The following PSG4 variants were observed in gnomAD, a reference collection of about 807,000 sequenced individuals.
The protein encoded by PSG4 is pregnancy-specific beta-1-glycoprotein 4.
PSG4 carries 61 observed loss-of-function variants against 44.3 expected under a neutral mutation model. The ratio of observed to expected loss-of-function variants is 1.38; its 90% CI spans 1.12 to 1.70. The LOEUF is 1.70. PSG4 is among the 40% of genes most tolerant of loss of function. The pLI is 0.00. For missense variants in PSG4, 677 were observed against 511.7 expected, an observed-to-expected ratio of 1.32 and a Z score of -3.12; for synonymous variants, 248 against 191.3, an observed-to-expected ratio of 1.30 and a Z score of -2.45.
rs369225813 is a variant in PSG4 at position 43,201,337 on chromosome 19, T to C, written c.430+2549A>G. ...GTGAAAGACCATGAGATTAAGATTA[T>C]AGGAGGGAACCGAATTCTGCTAAAA... On this transcript the variant is annotated intron_variant, in intron 2 of 5. Coordinates refer to ENST00000405312, the MANE Select transcript of PSG4 (RefSeq NM_002780.5). Among the ~76,000 whole-genome samples, 3 of 145,886 alleles carry C rather than the reference T, an allele frequency of 2.1e-5. 1 individual carries two copies. The East Asian group carries it at 7.0e-4, about 34-fold the overall frequency.
rs182789945 is a variant in PSG4, at chr19:43,200,773, C to T, written c.431-2498G>A. Among the ~76,000 whole-genome samples, 98 of 145,706 alleles carry T rather than the reference C, an allele frequency of 6.7e-4. 6 individuals are homozygous for T. The highest frequency in any genetic ancestry group is 3.5e-3 in the Middle Eastern group (1 of 288). On this transcript the variant is annotated intron_variant, in intron 2 of 5. Coordinates refer to ENST00000405312, the MANE Select transcript of PSG4 (RefSeq NM_002780.5). ...TGTATTTTTAGTAGAGACGGGGTTTCACCATGTTAGCCAGGATGGTCTCCA... is the reference window on the plus strand; with the variant it reads ...TGTATTTTTAGTAGAGACGGGGTTTTACCATGTTAGCCAGGATGGTCTCCA...
intron 2 of PSG4, 89 bp from the exon 3 acceptor site, chr19:43,198,364 T>C: frequency 1.3e-6 from 2 of 1,505,366 alleles, no homozygotes; most frequent in Non-Finnish European, 1.8e-6. Flanking sequence ...ATTTCCCACC[T>C]CTCAGCCCAC....
rs188774015 is a variant in PSG4, at chr19:43,195,663, C to T, written c.710-390G>A. Among the ~76,000 whole-genome samples the T allele has an allele frequency of 1.2e-3, 189 of 151,526 alleles. 8 individuals are homozygous for T. Among genetic ancestry groups the T allele is most frequent in the Middle Eastern group, 3.4e-3 (1 of 292 alleles). ...TCCAAATTCCATCCTCCTTTGCCCC[C>T]CTAGATGAGATTTCTCTGCAGCTTC... On this transcript the variant is annotated intron_variant, in intron 3 of 5. Coordinates refer to ENST00000405312, the MANE Select transcript of PSG4 (RefSeq NM_002780.5).
chr19:43,196,481 T>G (rs1049918616), intron 3 of PSG4: 3 of 151,604 alleles, frequency 2.0e-5, no homozygotes, highest in African/African-American at 7.3e-5. Context: ...TGACATTTTT[T>G]TATTCTGAAA....
intron 2 of PSG4, 29 bp from the exon 3 acceptor site, chr19:43,198,304 C>G: frequency 6.4e-7 from 1 of 1,567,342 alleles, no homozygotes; most frequent in East Asian, 2.7e-5. Context: ...GAGGTTTGCC[C>G]TGTGTGGCAT....
chr19:43,204,529 C>T lies in PSG4; in HGVS notation c.65-278G>A. On this transcript the variant is annotated intron_variant, in intron 1 of 5. Transcript: ENST00000405312. ...CCAGGGGTCCGCACGGCCCCCTCCA[C>T]ACTGCCCTCAGGTCCTGCTCACATC... 7.2e-6 allele frequency: 3 copies of T among 417,798 alleles called. 1 individual carries two copies. The highest frequency in any genetic ancestry group is 1.2e-5 in the Non-Finnish European group (3 of 246,558). The allele number at this position is 417,798 out of a possible 1,614,324, so 25.9% of individuals were successfully genotyped here.
chr19:43,204,952 T>G (rs746361903), intron 1 of PSG4: 3 of 281,942 alleles, frequency 1.1e-5, no homozygotes, highest in South Asian at 3.4e-5. Context: ...TGGCCCCTGA[T>G]GATTAATCAG....
Position 43,193,408 on chromosome 19 carries a change from A to G in PSG4, c.1244-20T>C. 1.3e-6 allele frequency: 1 copy of G among 768,590 alleles called. No individual in the cohort carries two copies. The highest frequency in any genetic ancestry group is 2.4e-6 in the Non-Finnish European group (1 of 417,590). 47.6% of individuals were successfully genotyped at this position (768,590 alleles called of 1,614,324 possible). A position where few individuals can be genotyped will look rare whatever the true frequency, so the allele number is the denominator to read the frequency against. On this transcript the variant is annotated intron_variant, in intron 5 of 5. Transcript: ENST00000405312. ...TCCAGTCTACAGGTGGATAATAAAA[A>G]CACAGAAACAATGAACAGAGCTGCA...
At chr19:43,205,104 C>CTTTTTTTTTTTTTTTTTTTT (rs1568391883) in intron 1 of PSG4, among the ~76,000 whole-genome samples, 1 of 54,062 alleles carries the variant, frequency 1.8e-5, no homozygotes, top group Non-Finnish European at 3.4e-5. Flanking sequence ...TCTTTTTTTC[C>CTTTTTTTTTTTTTTTTTTTT]TTTTTTCTTT....
chr19:43,194,600 G>A lies in PSG4; in HGVS notation c.989-6C>T, dbSNP rs565976817. On this transcript the variant is annotated splice_region_variant and splice_polypyrimidine_tract_variant and intron_variant, in intron 4 of 5. Transcript: ENST00000405312. The stretch of plus-strand genomic sequence containing the variant: ...GCTGGGGAGGTCTGGACCATCTGGC[G>A]CAAAGAGAATAAAGCCATAGGTGAT... 4.5e-5 allele frequency: 72 copies of A among 1,606,824 alleles called. 5 individuals are homozygous for A. The highest frequency in any genetic ancestry group is 1.7e-4 in the Middle Eastern group (1 of 6,024).
chr19:43,194,576 C>T lies in PSG4; in HGVS notation c.1007G>A (p.Ser336Asn), dbSNP rs772806963. The T allele has an allele frequency of 6.8e-6, 11 of 1,611,328 alleles. No individual in the cohort carries two copies. The South Asian group carries it at 1.1e-4, about 16-fold the overall frequency. ...GTAATAGGTGAATGAAGGGTAAATGCTGGGGAGGTCTGGACCATCTGGCGC... is the reference window on the plus strand; with the variant it reads ...GTAATAGGTGAATGAAGGGTAAATGTTGGGGAGGTCTGGACCATCTGGCGC... The part of the protein sequence containing the change: ...LNVLYGPDLP[S>N]IYPSFTYYRS... Residue 336 changes from serine to asparagine, a missense_variant, in exon 5 of 6, where the codon AGC becomes AAC. Transcript: ENST00000405312.
At chr19:43,195,836 T>C (rs1231236033) in intron 3 of PSG4, among the ~76,000 whole-genome samples, 2 of 149,860 alleles carry the variant, frequency 1.3e-5, no homozygotes, top group East Asian at 3.9e-4. Flanking sequence ...GTCAGTTCAG[T>C]CATCAGCCAG....
At position 43,195,089 on chromosome 19, in the gene PSG4, G is replaced by A. The variant is rs1341058524; in HGVS notation, c.894C>T (p.Pro298=). The A allele has an allele frequency of 6.2e-7, 1 of 1,610,948 alleles. No individual in the cohort carries two copies. Among genetic ancestry groups the A allele is most frequent in the Non-Finnish European group, 8.5e-7 (1 of 1,179,066 alleles). Residue 298 remains proline (P), a synonymous_variant, in exon 4 of 6, where the codon CCC becomes CCT. Coordinates refer to ENST00000405312, the MANE Select transcript of PSG4 (RefSeq NM_002780.5). The part of the protein sequence containing the change: ...RPIENRILIL[P]NVTRNETGPY... ...GTCCTGTTTCATTTCTCGTGACATT[G>A]GGTAGAATGAGGATCCTGTTTTCAA...
rs201404510 is a variant in PSG4 at position 43,197,277 on chromosome 19, T to C, written c.709+720A>G. Among the ~76,000 whole-genome samples, 33 of 144,964 alleles carry C rather than the reference T, an allele frequency of 2.3e-4. 4 individuals carry two copies. In the Middle Eastern group the frequency reaches 0.01, roughly 45 times the overall value. On this transcript the variant is annotated intron_variant, in intron 3 of 5. Transcript: ENST00000405312. ...CTCCCTTTGCAGAGGGCAGGTGGCT[T>C]TTCCCTGATAGCTAGATAGACTTCA...
Position 43,194,249 on chromosome 19 carries a change from C to A in PSG4, c.1243+91G>T. On this transcript the variant is annotated intron_variant, in intron 5 of 5. Coordinates refer to ENST00000405312, the MANE Select transcript of PSG4 (RefSeq NM_002780.5). ...TTTGCTTGTGCCCATGGGACACAGG[C>A]TGGGAATAAAAATGTTTTCCTCACT... 8.1e-6 allele frequency: 13 copies of A among 1,603,532 alleles called. 1 individual carries two copies. The South Asian group carries it at 1.5e-4, about 18-fold the overall frequency.
In PSG4 at chr19:43,201,803, C is replaced by G. The variant is rs1967521837; in HGVS notation, c.430+2083G>C. On this transcript the variant is annotated intron_variant, in intron 2 of 5. Coordinates refer to ENST00000405312, the MANE Select transcript of PSG4 (RefSeq NM_002780.5). ...GTTAAAATCTTTCTTGACTAGAAAC[C>G]AACATTTCAATAATTTTGTGTGTGT... is the stretch of plus-strand genomic sequence containing the variant. Among the ~76,000 whole-genome samples the G allele has an allele frequency of 2.2e-5, 3 of 136,792 alleles. 1 individual carries two copies. The highest frequency in any genetic ancestry group is 9.0e-5 in the African/African-American group (3 of 33,400). 89.7% of individuals were successfully genotyped at this position (136,792 alleles called of 152,430 possible).
chr19:43,204,694 T>TCCCCCCCCCCCCCCCCCC (rs1555724298), intron 1 of PSG4: 6 of 150,390 alleles, frequency 4.0e-5, no homozygotes, highest in African/African-American at 6.0e-5. Flanking sequence ...ATGTCTGTCT[T>TCCCCCCCCCCCCCCCCCC]CCCCCCACGA....
chr19:43,194,882 G>A (rs1311315806), intron 4 of PSG4, 113 bp downstream of exon 4: 4 of 1,541,254 alleles, frequency 2.6e-6, no homozygotes, highest in African/African-American at 2.8e-5. Flanking sequence ...CACCTCGGAT[G>A]TCCAGAAGTA....
At chr19:43,200,823 G>A (rs1967475944) in intron 2 of PSG4, among the ~76,000 whole-genome samples, 1 of 146,044 alleles carries the variant, frequency 6.8e-6, no homozygotes, top group Middle Eastern at 3.2e-3. Context: ...GCCTGCCTCG[G>A]CCTCCCAAAG....
Sources: gnomAD v4.1 joint callset for allele counts (sites outside exome capture counted in the v4.1 genomes callset) on GRCh38, gnomAD v4.1.1 for gene constraint, MANE v1.5 for transcripts, NCBI Gene and HGNC (gene_info 2026-07-23, HGNC 2026-07-21) for gene names.